The following CPXM2 variants were observed in gnomAD, a reference collection of about 807,000 sequenced individuals.
CPXM2 encodes inactive carboxypeptidase-like protein X2.
In CPXM2, 66 loss-of-function variants were observed where a neutral mutation model predicts 86.1. The observed-to-expected ratio is 0.77, with a 90% CI of 0.63 to 0.94. CPXM2 has a LOEUF of 0.94. CPXM2 is among the 40% of genes least tolerant of loss of function. The pLI is 0.00. For missense variants in CPXM2, 948 were observed against 1,026.3 expected, an observed-to-expected ratio of 0.92 and a Z score of 1.04; for synonymous variants, 388 against 400.2, an observed-to-expected ratio of 0.97 and a Z score of 0.36.
chr10:123,790,293 GGTGA>G, intron 6 of CPXM2, among the ~76,000 whole-genome samples: 2 of 149,334 alleles, frequency 1.3e-5, no homozygotes, highest in African/African-American at 2.5e-5. Context: ...GGTGACCAGG[GGTGA>G]CTCAGGATGG....
chr10:123,751,248 C>T (rs1846068195), intron 13 of CPXM2, among the ~76,000 whole-genome samples: 1 of 152,182 alleles, frequency 6.6e-6, no homozygotes, highest in Non-Finnish European at 1.5e-5. Flanking sequence ...ATGACAAAGG[C>T]TTGGAGCAAA....
At chr10:123,922,882 A>G (rs1020417016) in intron 2 of CPXM2, among the ~76,000 whole-genome samples, 2 of 152,240 alleles carry the variant, frequency 1.3e-5, no homozygotes, top group Admixed American at 1.3e-4. Context: ...CACGAGGCCA[A>G]CGTATCACCC....
intron 4 of CPXM2, among the ~76,000 whole-genome samples, chr10:123,811,296 G>A (rs1056870743): frequency 1.1e-4 from 16 of 151,736 alleles, no homozygotes; most frequent in Non-Finnish European, 1.6e-4. Context: ...TATCCCTCCC[G>A]CCTCCCCTCA....
intron 11 of CPXM2, among the ~76,000 whole-genome samples, chr10:123,760,145 A>T (rs1846300454): frequency 6.6e-6 from 1 of 152,216 alleles, no homozygotes; most frequent in Admixed American, 6.5e-5. Context: ...ATAGAAAAAA[A>T]ATCAAACGCT....
chr10:123,868,595 G>C (rs1944837546), intron 2 of CPXM2, among the ~76,000 whole-genome samples: 1 of 152,086 alleles, frequency 6.6e-6, no homozygotes, highest in Non-Finnish European at 1.5e-5. Flanking sequence ...AAAGAAATTG[G>C]GATCTGGAAG....
chr10:123,811,120 T>C (rs1847680858), intron 4 of CPXM2, among the ~76,000 whole-genome samples: 1 of 146,590 alleles, frequency 6.8e-6, no homozygotes, highest in South Asian at 2.2e-4. Flanking sequence ...CCTAACATTT[T>C]TCACAAAATC....
Position 123,891,547 on chromosome 10 carries a change from T to C in CPXM2, c.113A>G (p.Gln38Arg), listed in dbSNP as rs143257438. The part of the protein sequence containing the change: ...AALEDPDYYG[Q>R]EIWSREPYYA... ...GTAGGGCTCCCGGCTCCAGATCTCCTGCCCGTAATAATCAGGGTCCTCGAG... is the reference window on the plus strand; with the variant it reads ...GTAGGGCTCCCGGCTCCAGATCTCCCGCCCGTAATAATCAGGGTCCTCGAG... Residue 38 changes from glutamine to arginine, a missense_variant, in exon 1 of 14, where the codon CAG becomes CGG. Transcript: ENST00000241305. This position sits in a 1 kb window ranked among gnomAD's most constrained non-coding sequence, Gnocchi z 5.6. The C allele has an allele frequency of 3.4e-3, 5,197 of 1,548,326 alleles. 15 individuals carry two copies. Among genetic ancestry groups the C allele is most frequent in the Non-Finnish European group, 4.2e-3 (4,793 of 1,145,592 alleles).
At position 123,830,790 on chromosome 10, in the gene CPXM2, T is replaced by A. The variant is rs115197770; in HGVS notation, c.653+11559A>T. Among the ~76,000 whole-genome samples, 1,159 of 151,740 alleles carry A rather than the reference T, an allele frequency of 7.6e-3. 17 individuals are homozygous for A. The highest frequency in any genetic ancestry group is 0.025 in the African/African-American group (1,031 of 41,276). ...ATAATATGCAAAAAAAAAATGAAAA[T>A]GTTATCTTATGTCTACAATAAGCAT... On this transcript the variant is annotated intron_variant, in intron 4 of 13. Transcript: ENST00000241305.
chr10:123,864,275 T>C (rs28612771), intron 2 of CPXM2, among the ~76,000 whole-genome samples: 16,591 of 150,756 alleles, frequency 0.11, 1,158 homozygotes, highest in Non-Finnish European at 0.14. Context: ...CCCCACCCAC[T>C]GACTGTGACA....
chr10:123,927,898 C>A (rs1416450946), intron 2 of CPXM2, among the ~76,000 whole-genome samples: 1 of 152,214 alleles, frequency 6.6e-6, no homozygotes, highest in Non-Finnish European at 1.5e-5. Flanking sequence ...TCCAGGAACC[C>A]CCCAGTGTTG....
intron 4 of CPXM2, among the ~76,000 whole-genome samples, chr10:123,800,028 G>GTTTTTTTT (rs530876054): frequency 9.1e-5 from 10 of 109,606 alleles, no homozygotes; most frequent in South Asian, 3.1e-4. Context: ...TAGTTTTTTG[G>GTTTTTTTT]TTTTTTTTTT....
chr10:123,863,314 C>T (rs999903817), intron 2 of CPXM2, among the ~76,000 whole-genome samples: 2 of 152,180 alleles, frequency 1.3e-5, no homozygotes, highest in Non-Finnish European at 2.9e-5. Flanking sequence ...CCCCCACGCC[C>T]ACCACAGTGA....
chr10:123,910,905 C>A (rs1945482446), intron 2 of CPXM2, among the ~76,000 whole-genome samples: 1 of 152,184 alleles, frequency 6.6e-6, no homozygotes, highest in African/African-American at 2.4e-5. Context: ...CTTGTGGCAG[C>A]ATCACTGCAA....
At chr10:123,779,738 A>G (rs1039949450) in intron 7 of CPXM2, among the ~76,000 whole-genome samples, 3 of 152,110 alleles carry the variant, frequency 2.0e-5, no homozygotes, top group Non-Finnish European at 4.4e-5. Context: ...AACAGTCCCT[A>G]CCCTTCTAGA....
chr10:123,843,120 CTTTT>C, intron 3 of CPXM2: 1 of 276,156 alleles, frequency 3.6e-6, no homozygotes, highest in South Asian at 3.2e-5. Context: ...ACCAAAAATT[CTTTT>C]TTTTTTTTTC....
intron 3 of CPXM2, among the ~76,000 whole-genome samples, chr10:123,853,552 A>T (rs372078232): frequency 1.3e-5 from 2 of 152,304 alleles, no homozygotes; most frequent in South Asian, 4.1e-4. Flanking sequence ...GAGTACATGA[A>T]AGGTTTCCAG....
At position 123,865,707 on chromosome 10, in the gene CPXM2, G is replaced by A. The variant is rs749253903; in HGVS notation, c.404-2984C>T. ...CAAATTCACAACCGACATGGGGCAC[G>A]GGACGGGCACCTGCAGCTACTGCCC... On this transcript the variant is annotated intron_variant, in intron 2 of 13. Transcript: ENST00000241305. The surrounding 1 kb of genome is among the most constrained non-coding windows in gnomAD (Gnocchi z 4.7). Among the ~76,000 whole-genome samples the A allele has an allele frequency of 6.6e-6, 1 of 152,174 alleles. No individual in the cohort carries two copies. The highest frequency in any genetic ancestry group is 1.9e-4 in the East Asian group (1 of 5,182).
intron 4 of CPXM2, among the ~76,000 whole-genome samples, chr10:123,802,651 G>C (rs539470707): frequency 6.6e-6 from 1 of 152,144 alleles, no homozygotes; most frequent in Non-Finnish European, 1.5e-5. Flanking sequence ...ACAAAATTCT[G>C]TTTGGTGTAT....
chr10:123,862,161 C>T lies in CPXM2; in HGVS notation c.513+453G>A, dbSNP rs149365560. ...TCCCAGGAGCCATGCAGGGCTTGAC[C>T]CGGGGGAACACAATGGAGGGAGCCA... On this transcript the variant is annotated intron_variant, in intron 3 of 13. Transcript: ENST00000241305. Among the ~76,000 whole-genome samples the T allele has an allele frequency of 3.9e-5, 6 of 152,256 alleles. No homozygotes were observed. In the East Asian group the frequency reaches 1.2e-3, roughly 29 times the overall value.
Sources: allele counts gnomAD v4.1 joint callset (sites outside exome capture counted in the v4.1 genomes callset), GRCh38; gene constraint gnomAD v4.1.1; non-coding constraint Gnocchi (gnomAD v3.1); transcripts MANE v1.5; gene names NCBI Gene and HGNC (gene_info 2026-07-23, HGNC 2026-07-21).